FSIP1: variants seen among roughly 807,000 people sequenced by gnomAD.
FSIP1 encodes the protein fibrous sheath-interacting protein 1.
Under a neutral mutation model 60.9 loss-of-function variants are expected in FSIP1, and 65 were observed. That is an observed-to-expected ratio of 1.07 (90% CI 0.87 to 1.31). The LOEUF (loss-of-function observed/expected upper bound fraction) is 1.31, where lower values mean the gene tolerates loss of function less well. Among genes scored for constraint, FSIP1 ranks in the 40% most tolerant of loss-of-function variants. The probability of loss-of-function intolerance (pLI) is 0.00; values close to 1 mark genes in which losing one functional copy is unlikely to be tolerated. For missense variants in FSIP1, 675 were observed against 665.5 expected, an observed-to-expected ratio of 1.01 and a Z score of -0.16; for synonymous variants, 209 against 221.2, an observed-to-expected ratio of 0.94 and a Z score of 0.49.
At chr15:39,610,682 A>T (rs1356145933) in intron 11 of FSIP1, among the ~76,000 whole-genome samples, 4 of 152,202 alleles carry the variant, frequency 2.6e-5, no homozygotes, top group African/African-American at 4.8e-5. Context: ...AAATTAAATT[A>T]AAATTAAAAT....
chr15:39,742,520 C>T (rs6492913), intron 5 of FSIP1, among the ~76,000 whole-genome samples: 19,920 of 152,100 alleles, frequency 0.13, 2,125 homozygotes, highest in African/African-American at 0.29. Context: ...TGCAAGACGC[C>T]GTTAACATAA....
At chr15:39,752,277 A>T (rs1897186234) in intron 5 of FSIP1, among the ~76,000 whole-genome samples, 1 of 151,940 alleles carries the variant, frequency 6.6e-6, no homozygotes, top group African/African-American at 2.4e-5. Context: ...TGTACATGGT[A>T]AGTTAGAGAT....
At chr15:39,712,045 G>A (rs1416173091) in intron 10 of FSIP1, among the ~76,000 whole-genome samples, 1 of 152,068 alleles carries the variant, frequency 6.6e-6, no homozygotes, top group Non-Finnish European at 1.5e-5. Flanking sequence ...CTCTGAAAAT[G>A]GAAATAGAGG....
At chr15:39,751,075 T>C (rs1282639542) in intron 5 of FSIP1, among the ~76,000 whole-genome samples, 1 of 151,948 alleles carries the variant, frequency 6.6e-6, no homozygotes, top group African/African-American at 2.4e-5. Flanking sequence ...TACTGTGAGA[T>C]AACAACTTGT....
At chr15:39,705,863 T>C (rs557835368) in intron 10 of FSIP1, among the ~76,000 whole-genome samples, 1 of 152,154 alleles carries the variant, frequency 6.6e-6, no homozygotes, top group East Asian at 1.9e-4. Flanking sequence ...CCGGGTGTGC[T>C]GGTGCATGCC....
chr15:39,753,736 T>C (rs1301707875), intron 5 of FSIP1, among the ~76,000 whole-genome samples: 1 of 151,966 alleles, frequency 6.6e-6, no homozygotes, highest in Non-Finnish European at 1.5e-5. Flanking sequence ...AAATTAACAT[T>C]ATTTCCTGGT....
At chr15:39,705,580 T>G (rs917004074) in intron 10 of FSIP1, among the ~76,000 whole-genome samples, 1 of 152,204 alleles carries the variant, frequency 6.6e-6, no homozygotes, top group Non-Finnish European at 1.5e-5. Flanking sequence ...GCACATATTC[T>G]ATTTCCCTTC....
At chr15:39,768,621 T>C (rs977627797) in intron 3 of FSIP1, among the ~76,000 whole-genome samples, 3 of 152,242 alleles carry the variant, frequency 2.0e-5, no homozygotes, top group Non-Finnish European at 4.4e-5. Flanking sequence ...CATCCTATTG[T>C]AATCTGTTGT....
chr15:39,726,784 C>G (rs1299834674), intron 8 of FSIP1, 37 bp from the exon 9 acceptor site: 1 of 1,597,030 alleles, frequency 6.3e-7, no homozygotes, highest in East Asian at 2.2e-5. Context: ...CATTCTCAGG[C>G]TATATTTTTG....
At chr15:39,724,091 AAT>A (rs1004849524) in intron 9 of FSIP1, among the ~76,000 whole-genome samples, 1 of 152,232 alleles carries the variant, frequency 6.6e-6, no homozygotes, top group African/African-American at 2.4e-5. Context: ...TTTCTTTCCA[AAT>A]ATATGTTATT....
chr15:39,617,098 C>T (rs975677404), intron 11 of FSIP1, among the ~76,000 whole-genome samples: 1 of 151,874 alleles, frequency 6.6e-6, no homozygotes, highest in African/African-American at 2.4e-5. Context: ...ATGTAATAGC[C>T]AATATATTTT....
rs141062989 is a variant in FSIP1, at chr15:39,624,269, A to C, written c.1189-6024T>G. On this transcript the variant is annotated intron_variant, in intron 10 of 11. Coordinates refer to ENST00000350221, the MANE Select transcript of FSIP1 (RefSeq NM_152597.5). ...TATGAAGTACGTAACCATCAGAAGG[A>C]ACCTGCCACTTAATTTAGTTCTATA... Among the ~76,000 whole-genome samples, 101 of 152,358 alleles carry C rather than the reference A, an allele frequency of 6.6e-4. 1 individual carries two copies. The highest frequency in any genetic ancestry group is 2.4e-3 in the African/African-American group (101 of 41,576).
intron 5 of FSIP1, among the ~76,000 whole-genome samples, chr15:39,745,697 G>GA (rs1311381503): frequency 1.3e-5 from 2 of 152,152 alleles, no homozygotes; most frequent in Non-Finnish European, 2.9e-5. Context: ...GAGGAAACTG[G>GA]AGTGTCTGGA....
rs1193441048 is a variant in FSIP1, at chr15:39,761,169, C to T, written c.559+2652G>A. ...ATTATGGAAAAGTGTATGGAGGATC[C>T]TCAAAAAACTAAAAATAGAATTACC... On this transcript the variant is annotated intron_variant, in intron 5 of 11. Transcript: ENST00000350221. Among the ~76,000 whole-genome samples, 3 of 152,206 alleles carry T rather than the reference C, an allele frequency of 2.0e-5. No individual in the cohort carries two copies. The East Asian group carries it at 5.8e-4, about 29-fold the overall frequency.
intron 9 of FSIP1, among the ~76,000 whole-genome samples, chr15:39,715,279 T>C (rs1384769272): frequency 6.6e-6 from 1 of 152,092 alleles, no homozygotes; most frequent in East Asian, 1.9e-4. Context: ...CTCCTACCCA[T>C]TTTGGGCCCA....
chr15:39,630,998 A>G (rs1891860549), intron 10 of FSIP1, among the ~76,000 whole-genome samples: 2 of 152,176 alleles, frequency 1.3e-5, no homozygotes, highest in East Asian at 3.9e-4. Context: ...CTGGGGCATC[A>G]GGCTGTGCCA....
At chr15:39,720,621 G>C (rs1199239611) in intron 9 of FSIP1, among the ~76,000 whole-genome samples, 1 of 152,172 alleles carries the variant, frequency 6.6e-6, no homozygotes, top group Non-Finnish European at 1.5e-5. Context: ...GAATCCGGTT[G>C]CTAAGGATTT....
At chr15:39,774,045 T>C (rs1439561376) in intron 2 of FSIP1, among the ~76,000 whole-genome samples, 1 of 152,216 alleles carries the variant, frequency 6.6e-6, no homozygotes, top group East Asian at 1.9e-4. Flanking sequence ...AATTAAAAGT[T>C]AATAGATCAA....
intron 10 of FSIP1, among the ~76,000 whole-genome samples, chr15:39,651,488 C>G (rs4606692): frequency 0.72 from 109,309 of 152,144 alleles, 41,379 homozygotes; most frequent in Non-Finnish European, 0.87. Flanking sequence ...TTCCTCCTCA[C>G]AGCAGGTGTG....
Sources: gnomAD v4.1 joint callset for allele counts (sites outside exome capture counted in the v4.1 genomes callset) on GRCh38, gnomAD v4.1.1 for gene constraint, MANE v1.5 for transcripts, NCBI Gene and HGNC (gene_info 2026-07-23, HGNC 2026-07-21) for gene names.